The following ANKRD36 variants were observed in gnomAD, a reference collection of about 807,000 sequenced individuals.
The protein encoded by ANKRD36 is ankyrin repeat domain-containing protein 36A.
In ANKRD36, 179 loss-of-function variants were observed where a neutral mutation model predicts 278.1. That is an observed-to-expected ratio of 0.64 (90% CI 0.57 to 0.73). The LOEUF (loss-of-function observed/expected upper bound fraction) is 0.73. Among genes scored for constraint, ANKRD36 ranks in the 30% least tolerant of loss-of-function variants. The pLI, the probability that ANKRD36 is intolerant of heterozygous loss-of-function variation, is 0.00. For synonymous variants in ANKRD36, 320 were observed against 641.1 expected, an observed-to-expected ratio of 0.50 and a Z score of 7.57; for missense variants, 1,159 against 1,956.7, an observed-to-expected ratio of 0.59 and a Z score of 7.69.
intron 22 of ANKRD36, among the ~76,000 whole-genome samples, chr2:97,179,124 A>G (rs192774981): frequency 6.6e-6 from 1 of 151,636 alleles, no homozygotes; most frequent in Non-Finnish European, 1.5e-5. Context: ...ACTAGAAGAT[A>G]CAAGAGATGT....
At chr2:97,168,023 T>A (rs1265814886) in intron 22 of ANKRD36, among the ~76,000 whole-genome samples, 1 of 152,302 alleles carries the variant, frequency 6.6e-6, no homozygotes, top group Non-Finnish European at 1.5e-5. Flanking sequence ...GTGGAATTTG[T>A]GTGCATGTTA....
At chr2:97,181,223 A>T (rs2056112308) in intron 24 of ANKRD36, among the ~76,000 whole-genome samples, 1 of 151,602 alleles carries the variant, frequency 6.6e-6, no homozygotes, top group African/African-American at 2.4e-5. Context: ...AATCCTTCTG[A>T]TTTCTTGCAA....
intron 60 of ANKRD36, among the ~76,000 whole-genome samples, chr2:97,214,439 T>G (rs2065420037): frequency 6.6e-6 from 1 of 150,584 alleles, no homozygotes; most frequent in African/African-American, 2.5e-5. Flanking sequence ...AGCATGATAT[T>G]CCTAACAAGA....
chr2:97,181,751 A>T lies in ANKRD36; in HGVS notation c.1795A>T (p.Asn599Tyr), dbSNP rs542473579. Reference protein sequence around the residue: ...ATSDEKDSVSNIATEIKKGQQ... With the variant: ...ATSDEKDSVSYIATEIKKGQQ... ...AAGTGACGAGAAAGATTCTGTTTCA[A>T]ATATAGCCACAGAAATAAAGAAGGG... The change falls in exon 26 of 76, where the codon AAT becomes TAT. Residue 599 changes from asparagine (N) to tyrosine (Y), a missense_variant. Asn to Tyr is a moderately radical substitution (Grantham distance 143, BLOSUM62 -2). Coordinates refer to ENST00000420699, the MANE Select transcript of ANKRD36 (RefSeq NM_001354587.1). 2.6e-4 allele frequency: 412 copies of T among 1,609,574 alleles called. No individual in the cohort carries two copies. The highest frequency in any genetic ancestry group is 1.9e-5 in the Non-Finnish European group (22 of 1,178,248).
intron 6 of ANKRD36, among the ~76,000 whole-genome samples, chr2:97,134,895 T>C (rs1456617433): frequency 1.3e-5 from 2 of 152,090 alleles, no homozygotes; most frequent in Non-Finnish European, 2.9e-5. Context: ...TGATATTTTC[T>C]CTGTGTGTGT....
At position 97,192,981 on chromosome 2, in the gene ANKRD36, G is replaced by T. The variant is rs758533489; in HGVS notation, c.2377G>T (p.Ala793Ser). 6.3e-7 allele frequency: 1 copy of T among 1,583,250 alleles called. No homozygotes were observed. Among genetic ancestry groups the T allele is most frequent in the Non-Finnish European group, 8.6e-7 (1 of 1,164,672 alleles). The change falls in exon 38 of 76, where the codon GCT becomes TCT. Residue 793 changes from alanine to serine, a missense_variant and splice_region_variant. Ala to Ser is a moderately conservative substitution (Grantham distance 99). Coordinates refer to ENST00000420699, the MANE Select transcript of ANKRD36 (RefSeq NM_001354587.1). ...VSSQKPPALTATSDEEGSVLS... is the reference protein window; with the variant it reads ...VSSQKPPALTSTSDEEGSVLS... ...TTATTTCATTTGAAATTCCATTCAG[G>T]CTACAAGTGACGAGGAAGGTTCTGT...
intron 68 of ANKRD36, among the ~76,000 whole-genome samples, chr2:97,241,028 A>T: frequency 7.1e-5 from 3 of 42,088 alleles, no homozygotes; most frequent in Admixed American, 3.8e-4. Context: ...TACAGGACCT[A>T]TCTGAGTTTA....
intron 75 of ANKRD36, among the ~76,000 whole-genome samples, chr2:97,260,462 G>A (rs1267301873): frequency 7.5e-6 from 1 of 133,698 alleles, no homozygotes; most frequent in African/African-American, 2.8e-5. Flanking sequence ...TGGACAATAG[G>A]TCTCAACAGT....
At chr2:97,129,984 A>G (rs1559245467) in intron 6 of ANKRD36, among the ~76,000 whole-genome samples, 3 of 152,084 alleles carry the variant, frequency 2.0e-5, no homozygotes, top group Middle Eastern at 6.8e-3. Flanking sequence ...GAACTTTAAA[A>G]TAGTTTTTTC....
Position 97,113,543 on chromosome 2 carries a change from G to C in ANKRD36, c.-197G>C, listed in dbSNP as rs2034158732. ...CGGTTTCTCTGCCTCGGGCCTGTTG[G>C]GCAGGGCCGGCTAAGGTGCGCGTGC... On this transcript the variant is annotated 5_prime_UTR_variant, in exon 1 of 76. Coordinates refer to ENST00000420699, the MANE Select transcript of ANKRD36 (RefSeq NM_001354587.1). 1.5e-6 allele frequency: 1 copy of C among 645,608 alleles called. No homozygotes were observed. The highest frequency in any genetic ancestry group is 2.0e-5 in the South Asian group (1 of 49,662). The allele number at this position is 645,608 out of a possible 1,614,324, so 40.0% of individuals were successfully genotyped here.
Position 97,204,344 on chromosome 2 carries a change from C to T in ANKRD36, c.3061+81C>T, listed in dbSNP as rs564909077. 125 of 1,426,528 alleles carry T rather than the reference C, an allele frequency of 8.8e-5. 1 individual carries two copies. In the African/African-American group the frequency reaches 1.5e-3, roughly 17 times the overall value. 88.4% of individuals were successfully genotyped at this position (1,426,528 alleles called of 1,614,324 possible). A position where few individuals can be genotyped will look rare whatever the true frequency, so the allele number is the denominator to read the frequency against. On this transcript the variant is annotated intron_variant, in intron 50 of 75. Transcript: ENST00000420699. ...CTTCCCTGAATAAATCAGCGGGGGGCTCGTTGAAGCTGCACATTCTGATTC... is the reference window on the plus strand; with the variant it reads ...CTTCCCTGAATAAATCAGCGGGGGGTTCGTTGAAGCTGCACATTCTGATTC...
Position 97,118,292 on chromosome 2 carries a change from T to C in ANKRD36, c.313-52T>C, listed in dbSNP as rs1177439979. 1.0e-4 allele frequency: 167 copies of C among 1,610,990 alleles called. 2 individuals carry two copies. The highest frequency in any genetic ancestry group is 1.4e-4 in the Non-Finnish European group (165 of 1,178,714). On this transcript the variant is annotated intron_variant, in intron 2 of 75. Coordinates refer to ENST00000420699, the MANE Select transcript of ANKRD36 (RefSeq NM_001354587.1). ...ATAACTAGTAGGAAATCCTACGGAG[T>C]GTTTATTTTGATTTTTCAGTATTTG...
Position 97,124,555 on chromosome 2 carries a change from G to A in ANKRD36, c.689G>A (p.Arg230Gln), listed in dbSNP as rs770933893. 65 of 1,553,002 alleles carry A rather than the reference G, an allele frequency of 4.2e-5. No individual in the cohort carries two copies. The highest frequency in any genetic ancestry group is 1.7e-4 in the Middle Eastern group (1 of 6,018). Residue 230 changes from arginine (R) to glutamine (Q), a missense_variant, in exon 5 of 76, where the codon CGA (arginine) becomes CAA (glutamine). Physicochemically the swap from Arg to Gln is conservative, Grantham distance 43. Coordinates refer to ENST00000420699, the MANE Select transcript of ANKRD36 (RefSeq NM_001354587.1). ...NIDVLSRDAFRKIAGDYAIEA... is the reference protein window; with the variant it reads ...NIDVLSRDAFQKIAGDYAIEA... ...GATGTGCTTTCTCGAGATGCGTTTC[G>A]AAAGATTGCAGGAGATTATGCCATT...
chr2:97,204,910 A>C (rs555966281), intron 50 of ANKRD36, among the ~76,000 whole-genome samples: 1 of 151,438 alleles, frequency 6.6e-6, no homozygotes, highest in Non-Finnish European at 1.5e-5. Context: ...ACAATAACTC[A>C]TTACTCCTCT....
chr2:97,205,163 T>C (rs1334890631), intron 50 of ANKRD36, among the ~76,000 whole-genome samples: 2 of 151,720 alleles, frequency 1.3e-5, no homozygotes, highest in Non-Finnish European at 2.9e-5. Context: ...ATTGGAATGA[T>C]TTCTGAATGT....
chr2:97,222,611 C>T (rs1308553392), intron 66 of ANKRD36, among the ~76,000 whole-genome samples: 5 of 152,130 alleles, frequency 3.3e-5, no homozygotes, highest in African/African-American at 1.2e-4. Context: ...TACCTGTTTG[C>T]CTTCTGATAG....
chr2:97,220,335 C>A (rs1266669706), intron 66 of ANKRD36, among the ~76,000 whole-genome samples: 1 of 149,466 alleles, frequency 6.7e-6, no homozygotes, highest in Non-Finnish European at 1.5e-5. Context: ...ACATTTTATT[C>A]ATTGTTTCTA....
rs549921598 is a variant in ANKRD36, at chr2:97,179,558, A to G, written c.1634-180A>G. Among the ~76,000 whole-genome samples, 159 of 151,634 alleles carry G rather than the reference A, an allele frequency of 1.0e-3. 1 individual carries two copies. The Middle Eastern group carries it at 0.014, about 13-fold the overall frequency. ...TATATTTCTTGAAGCCTGTATTCCT[A>G]TTTTCTTCAGTGTATTTCCTTCATG... On this transcript the variant is annotated intron_variant, in intron 22 of 75. Coordinates refer to ENST00000420699, the MANE Select transcript of ANKRD36 (RefSeq NM_001354587.1).
chr2:97,202,443 A>T, intron 48 of ANKRD36, 50 bp downstream of exon 48: 1 of 1,540,494 alleles, frequency 6.5e-7, no homozygotes, highest in Middle Eastern at 1.7e-4. Context: ...GTAGATAAGA[A>T]GTTCTCTTCC....
Sources: gnomAD v4.1 joint callset for allele counts (sites outside exome capture counted in the v4.1 genomes callset) on GRCh38, gnomAD v4.1.1 for gene constraint, MANE v1.5 for transcripts, NCBI Gene and HGNC (gene_info 2026-07-23, HGNC 2026-07-21) for gene names.